CUX1: variants seen among roughly 807,000 people sequenced by gnomAD.
CUX1 encodes the protein cut like homeobox 1.
In CUX1, 31 loss-of-function variants were observed where a neutral mutation model predicts 158.8. The observed-to-expected ratio is 0.20, with a 90% CI of 0.15 to 0.26. CUX1 has a LOEUF of 0.26. Ranked by LOEUF, CUX1 falls within the 10% of genes least tolerant of loss-of-function variation. The pLI is 1.00. For synonymous variants in CUX1, 879 were observed against 862.1 expected (o/e 1.02, Z -0.34); for missense variants, 1,589 against 2,014.6 (o/e 0.79, Z 4.04).
At chr7:102,186,588 TATATA>T (rs781880554) in intron 11 of CUX1, among the ~76,000 whole-genome samples, 1 of 123,680 alleles carries the variant, frequency 8.1e-6, no homozygotes, top group Non-Finnish European at 1.8e-5. Flanking sequence ...TATATATATA[TATATA>T]TATTTTTTTT....
intron 1 of CUX1, among the ~76,000 whole-genome samples, chr7:101,911,556 C>A (rs931588599): frequency 2.0e-5 from 3 of 152,058 alleles, no homozygotes; most frequent in Admixed American, 2.0e-4. Context: ...GACCTTGGCC[C>A]TCCAGTGGAT....
Position 102,098,907 on chromosome 7 carries a change from C to G in CUX1, c.406+1406C>G, listed in dbSNP as rs187753878. ...ATCTCCTGACCTCATGATCCACCCCCCTCAGCCTCCCAAAGTGCTGGGATT... is the reference window on the plus strand; with the variant it reads ...ATCTCCTGACCTCATGATCCACCCCGCTCAGCCTCCCAAAGTGCTGGGATT... On this transcript the variant is annotated intron_variant, in intron 5 of 23. Coordinates refer to ENST00000292535, the MANE Select transcript of CUX1 (RefSeq NM_181552.4). 1.4e-3 allele frequency among the ~76,000 whole-genome samples: 209 copies of G among 151,218 alleles called. 5 individuals carry two copies. The East Asian group carries it at 0.033, about 24-fold the overall frequency.
At chr7:101,892,366 A>C (rs1267869777) in intron 1 of CUX1, among the ~76,000 whole-genome samples, 1 of 152,218 alleles carries the variant, frequency 6.6e-6, no homozygotes, top group African/African-American at 2.4e-5. Flanking sequence ...CTTCATTTGC[A>C]AAACAGAGTG....
At chr7:101,910,211 A>G (rs1358856154) in intron 1 of CUX1, among the ~76,000 whole-genome samples, 1 of 152,064 alleles carries the variant, frequency 6.6e-6, no homozygotes, top group African/African-American at 2.4e-5. Context: ...CAGTGGCTTG[A>G]TTATGACTCA....
At chr7:102,047,639 A>G (rs1822985203) in intron 3 of CUX1, among the ~76,000 whole-genome samples, 1 of 152,108 alleles carries the variant, frequency 6.6e-6, no homozygotes, top group East Asian at 1.9e-4. Context: ...TGTCTGTAAG[A>G]ATAGATTGAC....
Position 102,250,974 on chromosome 7 carries a change from ATT to A in CUX1, c.*1940_*1941del. 4.3e-6 allele frequency: 4 copies of A among 937,478 alleles called. No individual in the cohort carries two copies. The highest frequency in any genetic ancestry group is 5.1e-6 in the Non-Finnish European group (4 of 787,556). The allele number at this position is 937,478 out of a possible 1,614,324, so 58.1% of individuals were successfully genotyped here. A position where few individuals can be genotyped will look rare whatever the true frequency, so the allele number is the denominator to read the frequency against. On this transcript the variant is annotated 3_prime_UTR_variant, in exon 24 of 24. Coordinates refer to ENST00000292535, the MANE Select transcript of CUX1 (RefSeq NM_181552.4). ...ATAGATGATTTCGGTATATATATATATTTTTTTTTGCTTATTTATAGGTGCTG... is the reference window on the plus strand; with the variant it reads ...ATAGATGATTTCGGTATATATATATATTTTTTTGCTTATTTATAGGTGCTG...
intron 17 of CUX1, among the ~76,000 whole-genome samples, chr7:102,277,282 G>A (rs2132824352): frequency 6.6e-6 from 1 of 152,158 alleles, no homozygotes; most frequent in East Asian, 1.9e-4. Flanking sequence ...GGGTGATAGA[G>A]CAAGACCCTG....
chr7:102,066,850 C>A lies in CUX1; in HGVS notation c.190-3489C>A, dbSNP rs548227039. Among the ~76,000 whole-genome samples the A allele has an allele frequency of 2.6e-5, 4 of 152,258 alleles. No individual in the cohort carries two copies. The South Asian group carries it at 8.3e-4, about 32-fold the overall frequency. ...TTGAAACAGTGCCATTTAGACAGTT[C>A]CCAAAATTTGTAATAGATACTGAGA... On this transcript the variant is annotated intron_variant, in intron 3 of 23. Transcript: ENST00000292535.
intron 2 of CUX1, among the ~76,000 whole-genome samples, chr7:101,919,869 C>T (rs902268034): frequency 6.6e-5 from 10 of 152,160 alleles, no homozygotes; most frequent in Non-Finnish European, 1.5e-4. Context: ...GTGGCTGGGA[C>T]TCTGACAGGC....
intron 15 of CUX1, among the ~76,000 whole-genome samples, 154 bp from the exon 16 acceptor site, chr7:102,198,648 C>A (rs1016908240): frequency 6.6e-6 from 1 of 152,200 alleles, no homozygotes; most frequent in Admixed American, 6.5e-5. Context: ...AGGGAAGGGC[C>A]TCTCAGAAGA....
intron 3 of CUX1, among the ~76,000 whole-genome samples, chr7:102,049,607 A>G (rs970591797): frequency 2.8e-4 from 43 of 152,224 alleles, no homozygotes; most frequent in Non-Finnish European, 8.8e-5. Context: ...GGAGAGGCCG[A>G]GGCAGGAGGA....
intron 8 of CUX1, among the ~76,000 whole-genome samples, chr7:102,152,255 G>T (rs1342951395): frequency 1.3e-5 from 2 of 152,056 alleles, no homozygotes; most frequent in Non-Finnish European, 2.9e-5. Context: ...AGAGACTGGG[G>T]CAGGAGGATC....
At chr7:101,974,835 G>T (rs558348395) in intron 2 of CUX1, among the ~76,000 whole-genome samples, 241 of 152,308 alleles carry the variant, frequency 1.6e-3, no homozygotes, top group Middle Eastern at 3.4e-3. Context: ...AGCGAGGAAG[G>T]CATCTCAGGA....
chr7:101,977,574 C>T (rs10441233), intron 2 of CUX1, among the ~76,000 whole-genome samples: 16,627 of 151,984 alleles, frequency 0.11, 3,159 homozygotes, highest in African/African-American at 0.38. Flanking sequence ...CCCAAGAGAT[C>T]GAGGCTGCAG....
Position 102,239,419 on chromosome 7 carries a change from AGC to A in CUX1, c.3723_3724del (p.His1242ProfsTer64), listed in dbSNP as rs781963895. ...AGCCAGGGCGCCAGCCCCCAGCCCC[AGC>A]ACCAGCTGAAGAAACCCCGGGTGGT... On this transcript the variant is annotated frameshift_variant, in exon 23 of 24. Transcript: ENST00000292535. LOFTEE classifies it high-confidence loss of function. 1 of 1,613,858 alleles carries A rather than the reference AGC, an allele frequency of 6.2e-7. No individual in the cohort carries two copies. The highest frequency in any genetic ancestry group is 2.2e-5 in the East Asian group (1 of 44,880).
intron 2 of CUX1, among the ~76,000 whole-genome samples, chr7:101,991,508 C>G (rs1204358123): frequency 6.6e-6 from 1 of 152,196 alleles, no homozygotes; most frequent in African/African-American, 2.4e-5. Flanking sequence ...CCTGTAATCA[C>G]AGCACTTTGG....
intron 14 of CUX1, among the ~76,000 whole-genome samples, chr7:102,266,753 C>A (rs1033922602): frequency 2.0e-5 from 3 of 151,998 alleles, no homozygotes; most frequent in African/African-American, 4.8e-5. Flanking sequence ...AGATGAGAGC[C>A]GAAAAACAAG....
At chr7:101,890,305 G>A (rs1180511762) in intron 1 of CUX1, among the ~76,000 whole-genome samples, 1 of 151,304 alleles carries the variant, frequency 6.6e-6, no homozygotes, top group Admixed American at 6.6e-5. Flanking sequence ...GATGAGAGTG[G>A]GCTGGCCAGG....
rs1801234017 is a variant in CUX1, at chr7:102,249,363, G to A, written c.*321G>A. ...GCACTTACCGCCCTGCGGGCCACAG[G>A]GCAAAATCGCCATAGGCCAAGGTGC... On this transcript the variant is annotated 3_prime_UTR_variant, in exon 24 of 24. Transcript: ENST00000292535. The A allele has an allele frequency of 1.0e-5, 10 of 1,001,760 alleles. No homozygotes were observed. Among genetic ancestry groups the A allele is most frequent in the Non-Finnish European group, 1.2e-5 (10 of 840,380 alleles). 62.1% of individuals were successfully genotyped at this position (1,001,760 alleles called of 1,614,324 possible).
Sources: gnomAD v4.1 joint callset for allele counts (sites outside exome capture counted in the v4.1 genomes callset) on GRCh38, gnomAD v4.1.1 for gene constraint, MANE v1.5 for transcripts, NCBI Gene and HGNC (gene_info 2026-07-23, HGNC 2026-07-21) for gene names.